IL1RAPL1: variants seen among roughly 807,000 people sequenced by gnomAD.
The protein encoded by IL1RAPL1 is interleukin 1 receptor accessory protein like 1.
IL1RAPL1 carries 3 observed loss-of-function variants against 48.4 expected under a neutral mutation model. The observed-to-expected ratio is 0.06, with a 90% CI of 0.03 to 0.16. The LOEUF is 0.16. Among genes scored for constraint, IL1RAPL1 ranks in the 10% least tolerant of loss-of-function variants. The pLI is 1.00. For synonymous variants in IL1RAPL1, 185 were observed against 187.7 expected, an observed-to-expected ratio of 0.99 and a Z score of 0.12; for missense variants, 349 against 530.6, an observed-to-expected ratio of 0.66 and a Z score of 3.36.
chrX:29,930,058 C>G (rs956428341), intron 8 of IL1RAPL1, among the ~76,000 whole-genome samples: 2 of 112,126 alleles, frequency 1.8e-5, no homozygotes, highest in Non-Finnish European at 3.8e-5. Context: ...CTTCTGTGGG[C>G]TGTTCACATA....
At chrX:28,840,311 A>G (rs1416340928) in intron 2 of IL1RAPL1, among the ~76,000 whole-genome samples, 2 of 111,140 alleles carry the variant, frequency 1.8e-5, no homozygotes, top group Non-Finnish European at 3.8e-5. Flanking sequence ...TTACCTTAAT[A>G]TAGACCTTAT....
At chrX:29,536,743 G>A (rs931260395) in intron 5 of IL1RAPL1, among the ~76,000 whole-genome samples, 2 of 108,198 alleles carry the variant, frequency 1.8e-5, no homozygotes, top group Non-Finnish European at 3.8e-5. Flanking sequence ...TAGTTATCAA[G>A]TATACAAATA....
At chrX:29,226,444 C>CTTTTTTT (rs57929074) in intron 2 of IL1RAPL1, among the ~76,000 whole-genome samples, 1 of 86,891 alleles carries the variant, frequency 1.2e-5, no homozygotes, top group African/African-American at 4.3e-5. Context: ...TTCTTTCTTT[C>CTTTTTTT]TTTTTTTTTT....
chrX:29,731,816 C>A (rs773822610), intron 6 of IL1RAPL1, among the ~76,000 whole-genome samples: 1 of 111,954 alleles, frequency 8.9e-6, no homozygotes, highest in East Asian at 2.8e-4. Flanking sequence ...AGATGCCACC[C>A]ATTAAGACAG....
chrX:29,309,801 T>TA (rs1288522062), intron 3 of IL1RAPL1, among the ~76,000 whole-genome samples: 31 of 77,059 alleles, frequency 4.0e-4, no homozygotes, highest in Middle Eastern at 0.012. Context: ...AGACACTGTC[T>TA]AAAAAAAAAA....
chrX:29,058,284 G>A (rs746627138), intron 2 of IL1RAPL1, among the ~76,000 whole-genome samples: 43 of 110,776 alleles, frequency 3.9e-4, no homozygotes, highest in Non-Finnish European at 5.7e-4. Flanking sequence ...GGCTATGGCA[G>A]GAGAATCACT....
At chrX:29,812,284 T>G (rs929313759) in intron 6 of IL1RAPL1, among the ~76,000 whole-genome samples, 2 of 112,167 alleles carry the variant, frequency 1.8e-5, no homozygotes, top group Non-Finnish European at 3.8e-5. Context: ...AAAGTAGAGT[T>G]GTGGATAATT....
chrX:29,725,646 C>A (rs967486431), intron 6 of IL1RAPL1, among the ~76,000 whole-genome samples: 1 of 111,792 alleles, frequency 8.9e-6, no homozygotes, highest in Non-Finnish European at 1.9e-5. Context: ...ACTAGTTTTG[C>A]CACTGCAGGT....
chrX:29,379,729 C>T (rs758617978), intron 3 of IL1RAPL1, among the ~76,000 whole-genome samples: 73 of 111,905 alleles, frequency 6.5e-4, no homozygotes, highest in Non-Finnish European at 1.1e-3. Context: ...TCAGTGCCTG[C>T]GTCACATTTC....
At chrX:28,667,893 T>G (rs1370348293) in intron 1 of IL1RAPL1, among the ~76,000 whole-genome samples, 2 of 111,503 alleles carry the variant, frequency 1.8e-5, no homozygotes, top group Admixed American at 9.5e-5. Context: ...TCTACCCTTA[T>G]GTCCTAATTA....
chrX:29,050,942 T>C (rs1276217714), intron 2 of IL1RAPL1, among the ~76,000 whole-genome samples: 1 of 112,544 alleles, frequency 8.9e-6, no homozygotes, highest in East Asian at 2.8e-4. Flanking sequence ...ACTTTCCACA[T>C]GTGCTTTTAG....
chrX:28,868,402 C>CT (rs112734293), intron 2 of IL1RAPL1, among the ~76,000 whole-genome samples: 6,711 of 110,523 alleles, frequency 0.061, 403 homozygotes, highest in East Asian at 0.23. Context: ...TTAGTTTATA[C>CT]TTTTTTTTTA....
chrX:29,383,608 T>G (rs1339867004), intron 3 of IL1RAPL1, among the ~76,000 whole-genome samples: 1 of 112,110 alleles, frequency 8.9e-6, no homozygotes, highest in Non-Finnish European at 1.9e-5. Flanking sequence ...AATGACCGGT[T>G]ATTGCCGAGT....
chrX:29,166,608 G>A (rs188563791), intron 2 of IL1RAPL1, among the ~76,000 whole-genome samples: 49 of 112,018 alleles, frequency 4.4e-4, no homozygotes, highest in African/African-American at 1.6e-3. Flanking sequence ...GTTTAAAAAT[G>A]CAAGTATGAT....
intron 5 of IL1RAPL1, among the ~76,000 whole-genome samples, chrX:29,532,997 C>A (rs950529336): frequency 2.7e-5 from 3 of 111,893 alleles, no homozygotes; most frequent in African/African-American, 9.7e-5. Context: ...TCTTAAACTC[C>A]TATGAACAGC....
chrX:29,514,440 G>A (rs1440259827), intron 5 of IL1RAPL1, among the ~76,000 whole-genome samples: 3 of 112,369 alleles, frequency 2.7e-5, no homozygotes, highest in African/African-American at 9.7e-5. Context: ...TTTGGAGAAA[G>A]TCAAGTTGTA....
intron 5 of IL1RAPL1, among the ~76,000 whole-genome samples, chrX:29,483,844 A>G (rs1935067131): frequency 9.1e-6 from 1 of 109,834 alleles, no homozygotes. Context: ...GGCACACGCC[A>G]CCATACGTGG....
intron 1 of IL1RAPL1, among the ~76,000 whole-genome samples, chrX:28,702,706 A>G (rs1178619861): frequency 8.9e-6 from 1 of 111,799 alleles, no homozygotes; most frequent in Non-Finnish European, 1.9e-5. Flanking sequence ...CTTTAAAAAA[A>G]TATTTTCCCA....
At chrX:29,683,820 G>T (rs1000943033) in intron 6 of IL1RAPL1, among the ~76,000 whole-genome samples, 2 of 111,935 alleles carry the variant, frequency 1.8e-5, no homozygotes, top group African/African-American at 6.5e-5. Context: ...ATATAAACTT[G>T]TCTTTGAAAT....
Sources: allele counts gnomAD v4.1 joint callset (sites outside exome capture counted in the v4.1 genomes callset), GRCh38; gene constraint gnomAD v4.1.1; transcripts MANE v1.5; gene names NCBI Gene and HGNC (gene_info 2026-07-23, HGNC 2026-07-21).